ERGIC1: variants seen among roughly 807,000 people sequenced by gnomAD.
ERGIC1 encodes endoplasmic reticulum-Golgi intermediate compartment protein 1.
ERGIC1 carries 19 observed loss-of-function variants against 38.3 expected under a neutral mutation model. The observed-to-expected ratio is 0.50, with a 90% CI of 0.35 to 0.73. The LOEUF is 0.73. Ranked by LOEUF, ERGIC1 falls within the 30% of genes least tolerant of loss-of-function variation. The pLI is 0.01. For missense variants in ERGIC1, 294 were observed against 389.2 expected (o/e 0.76, Z 2.06); for synonymous variants, 124 against 157.6 (o/e 0.79, Z 1.60).
chr5:172,921,638 G>C (rs1399102683), intron 5 of ERGIC1: 1 of 152,238 alleles, frequency 6.6e-6, no homozygotes, highest in Non-Finnish European at 1.5e-5. Flanking sequence ...TAACCCCCGA[G>C]TTTTTCAGTG....
At chr5:172,924,237 G>C in intron 6 of ERGIC1, 128 bp downstream of exon 6, 1 of 846,590 alleles carries the variant, frequency 1.2e-6, no homozygotes, top group Non-Finnish European at 1.9e-6. Flanking sequence ...GCCAAGCCTG[G>C]AAGGGTAAGA....
chr5:172,871,702 G>A (rs1218577425), intron 1 of ERGIC1, among the ~76,000 whole-genome samples: 7 of 152,226 alleles, frequency 4.6e-5, no homozygotes, highest in Admixed American at 3.9e-4. Context: ...GGGTGATGCA[G>A]ACAGATGGCA....
At chr5:172,892,546 C>T (rs1204835050) in intron 2 of ERGIC1, among the ~76,000 whole-genome samples, 2 of 152,146 alleles carry the variant, frequency 1.3e-5, no homozygotes, top group African/African-American at 4.8e-5. Flanking sequence ...CTGGCCGTAC[C>T]AGGTTTCCTA....
Position 172,897,804 on chromosome 5 carries a change from C to T in ERGIC1, c.155+730C>T, listed in dbSNP as rs1286839155. ...CGAGGTTGCTGACATCAGCGCCCGG[C>T]CCCCTGGACTAACCCCCTTCCCATT... is the stretch of plus-strand genomic sequence containing the variant. On this transcript the variant is annotated intron_variant, in intron 3 of 9. Coordinates refer to ENST00000393784, the MANE Select transcript of ERGIC1 (RefSeq NM_001031711.3). 6 of 413,772 alleles carry T rather than the reference C, an allele frequency of 1.5e-5. No homozygotes were observed. The Admixed American group carries it at 1.8e-4, about 12-fold the overall frequency. 25.6% of individuals were successfully genotyped at this position (413,772 alleles called of 1,614,324 possible).
In ERGIC1 at chr5:172,950,751, C is replaced by T; in HGVS notation, c.808C>T (p.Leu270=). The change falls in exon 10 of 10, where the codon CTG becomes TTG. Residue 270 remains leucine (L), a synonymous_variant. Coordinates refer to ENST00000393784, the MANE Select transcript of ERGIC1 (RefSeq NM_001031711.3). The stretch of plus-strand genomic sequence containing the variant: ...CGGGACCTTCACCGTCGCCGGCATC[C>T]TGGACTCATGCATCTTCACAGCCTC... ...IGGTFTVAGI[L]DSCIFTASEA... 2 of 1,613,344 alleles carry T rather than the reference C, an allele frequency of 1.2e-6. No homozygotes were observed. The highest frequency in any genetic ancestry group is 8.5e-7 in the Non-Finnish European group (1 of 1,179,454).
At chr5:172,841,421 G>T (rs1761157423) in intron 1 of ERGIC1, among the ~76,000 whole-genome samples, 1 of 152,232 alleles carries the variant, frequency 6.6e-6, no homozygotes, top group Non-Finnish European at 1.5e-5. Flanking sequence ...GCCTCTGACA[G>T]CGTAATCCTC....
intron 3 of ERGIC1, among the ~76,000 whole-genome samples, chr5:172,899,748 A>G (rs1234014399): frequency 6.6e-6 from 1 of 152,208 alleles, no homozygotes; most frequent in Non-Finnish European, 1.5e-5. Context: ...AAACAAAACT[A>G]GACTGTATCG....
At chr5:172,914,942 C>T (rs1196844705) in intron 5 of ERGIC1, 104 bp downstream of exon 5, 1 of 1,545,642 alleles carries the variant, frequency 6.5e-7, no homozygotes, top group Non-Finnish European at 8.8e-7. Context: ...CTGACCCTGA[C>T]ACAGCCCCCA....
Position 172,952,520 on chromosome 5 carries a change from G to GGA in ERGIC1, c.*1704_*1705insGA, listed in dbSNP as rs1554115025. On this transcript the variant is annotated 3_prime_UTR_variant, in exon 10 of 10. Transcript: ENST00000393784. ...AAATTCTTTTATGCATTTTTTTGAA[G>GGA]AAAAAAAAAAAAACAACTCTGAGGA... is the stretch of plus-strand genomic sequence containing the variant. 2 of 115,750 alleles carry GGA rather than the reference G, an allele frequency of 1.7e-5. No individual in the cohort carries two copies. Among genetic ancestry groups the GGA allele is most frequent in the Non-Finnish European group, 3.3e-5 (2 of 61,476 alleles). The allele number at this position is 115,750 out of a possible 1,614,324, so 7.2% of individuals were successfully genotyped here.
chr5:172,917,400 T>C (rs1473232231), intron 5 of ERGIC1: 1 of 152,150 alleles, frequency 6.6e-6, no homozygotes, highest in African/African-American at 2.4e-5. Context: ...AAGTCATGGG[T>C]CCTCAGAGTG....
At chr5:172,917,336 G>A (rs1310354822) in intron 5 of ERGIC1, 2 of 152,184 alleles carry the variant, frequency 1.3e-5, no homozygotes. Context: ...TTCAGGAGAG[G>A]GTTCTGGACC....
At chr5:172,892,062 G>GTTTTTT (rs573472747) in intron 2 of ERGIC1, among the ~76,000 whole-genome samples, 3 of 90,188 alleles carry the variant, frequency 3.3e-5, no homozygotes, top group Non-Finnish European at 4.5e-5. Context: ...TAAAGAGTAT[G>GTTTTTT]TTTTTTTTTT....
chr5:172,896,055 T>G (rs1228303153), intron 2 of ERGIC1, among the ~76,000 whole-genome samples: 1 of 151,988 alleles, frequency 6.6e-6, no homozygotes, highest in Non-Finnish European at 1.5e-5. Flanking sequence ...TTAAACATAT[T>G]GGACCGGCCG....
At chr5:172,938,474 C>T (rs558938977) in intron 9 of ERGIC1, among the ~76,000 whole-genome samples, 1 of 152,156 alleles carries the variant, frequency 6.6e-6, no homozygotes, top group Non-Finnish European at 1.5e-5. Context: ...TGGCAATGGC[C>T]GGGCACGGTG....
chr5:172,866,352 C>T (rs1166349519), intron 1 of ERGIC1, among the ~76,000 whole-genome samples: 1 of 152,204 alleles, frequency 6.6e-6, no homozygotes, highest in African/African-American at 2.4e-5. Context: ...GTTTTTCTCT[C>T]ATCTTGGACC....
intron 6 of ERGIC1, 36 bp downstream of exon 6, chr5:172,924,145 G>A: frequency 1.2e-6 from 2 of 1,602,078 alleles, no homozygotes; most frequent in Non-Finnish European, 1.7e-6. Flanking sequence ...ATGGCCGGGG[G>A]TGGGCCTTCA....
intron 5 of ERGIC1, chr5:172,921,419 C>T (rs953582293): frequency 2.0e-5 from 3 of 152,214 alleles, no homozygotes; most frequent in East Asian, 1.9e-4. Context: ...TTGCTGAGGC[C>T]GAGGCTACAG....
chr5:172,904,726 G>A (rs546686793), intron 3 of ERGIC1, among the ~76,000 whole-genome samples: 3 of 152,154 alleles, frequency 2.0e-5, no homozygotes, highest in South Asian at 4.2e-4. Context: ...GGGTGAGCTC[G>A]TGGCGCTGGC....
chr5:172,859,585 G>A (rs1761645370), intron 1 of ERGIC1, among the ~76,000 whole-genome samples: 1 of 152,224 alleles, frequency 6.6e-6, no homozygotes. Context: ...CTGGGGCTCA[G>A]AGAGCTGCCG....
Sources: gnomAD v4.1 joint callset for allele counts (sites outside exome capture counted in the v4.1 genomes callset) on GRCh38, gnomAD v4.1.1 for gene constraint, MANE v1.5 for transcripts, NCBI Gene and HGNC (gene_info 2026-07-23, HGNC 2026-07-21) for gene names.